The following UBAP2 variants were observed in gnomAD, a reference collection of about 807,000 sequenced individuals.
UBAP2 encodes ubiquitin-associated protein 2.
Under a neutral mutation model 139.6 loss-of-function variants are expected in UBAP2, and 75 were observed. That is an observed-to-expected ratio of 0.54 (90% CI 0.45 to 0.65). The LOEUF is 0.65. UBAP2 is among the 30% of genes least tolerant of loss of function. UBAP2 has a pLI of 0.00. For synonymous variants in UBAP2, 526 were observed against 526.2 expected, an observed-to-expected ratio of 1.00 and a Z score of 0.01; for missense variants, 1,368 against 1,369.6, an observed-to-expected ratio of 1.00 and a Z score of 0.02.
In UBAP2 at chr9:33,988,955, G is replaced by A. The variant is rs1413456543; in HGVS notation, c.442+18C>T. ...AGATGAAAGAAGAGAAAAAACTGAG[G>A]AGAAAGTCTGTACTTACATTCTCTG... On this transcript the variant is annotated intron_variant, in intron 5 of 28. Transcript: ENST00000379238. 11 of 1,594,468 alleles carry A rather than the reference G, an allele frequency of 6.9e-6. No individual in the cohort carries two copies. The highest frequency in any genetic ancestry group is 2.3e-5 in the South Asian group (2 of 87,310).
At chr9:33,961,561 T>C (rs1283481489) in intron 9 of UBAP2, among the ~76,000 whole-genome samples, 1 of 152,096 alleles carries the variant, frequency 6.6e-6, no homozygotes, top group Non-Finnish European at 1.5e-5. Flanking sequence ...ACAGATCTTA[T>C]ATAAGTAGAG....
intron 1 of UBAP2, among the ~76,000 whole-genome samples, chr9:34,047,739 G>C (rs571696346): frequency 6.6e-6 from 1 of 152,228 alleles, no homozygotes; most frequent in Non-Finnish European, 1.5e-5. Context: ...CAGATACTCA[G>C]GAGGCTGAGG....
intron 6 of UBAP2, among the ~76,000 whole-genome samples, chr9:33,984,327 T>C (rs951554878): frequency 6.6e-6 from 1 of 151,970 alleles, no homozygotes; most frequent in Non-Finnish European, 1.5e-5. Context: ...ATACAAGGAA[T>C]CTAAACAACT....
chr9:33,926,718 G>T, intron 21 of UBAP2, 54 bp from the exon 22 acceptor site: 1 of 1,590,670 alleles, frequency 6.3e-7, no homozygotes. Context: ...ACCCTGGGAA[G>T]CCCAGGTCCA....
intron 6 of UBAP2, among the ~76,000 whole-genome samples, chr9:33,976,462 C>T (rs1828353450): frequency 1.3e-5 from 2 of 152,148 alleles, no homozygotes; most frequent in African/African-American, 2.4e-5. Context: ...ATTCCATTTA[C>T]AGGAAATGTC....
At chr9:34,045,511 C>A (rs1265309154) in intron 1 of UBAP2, among the ~76,000 whole-genome samples, 1 of 151,970 alleles carries the variant, frequency 6.6e-6, no homozygotes, top group Non-Finnish European at 1.5e-5. Flanking sequence ...GCAGCTGGGA[C>A]TACAGGCACG....
chr9:34,008,092 G>A (rs1194189978), intron 2 of UBAP2, among the ~76,000 whole-genome samples: 2 of 151,494 alleles, frequency 1.3e-5, no homozygotes, highest in East Asian at 2.0e-4. Context: ...CCGAGATCGC[G>A]CCACTGCACT....
chr9:33,957,100 AAG>A (rs994367033), intron 10 of UBAP2, among the ~76,000 whole-genome samples: 1 of 151,940 alleles, frequency 6.6e-6, no homozygotes, highest in African/African-American at 2.4e-5. Flanking sequence ...AAAAAAAAAA[AAG>A]AAGAAGTCAT....
intron 1 of UBAP2, among the ~76,000 whole-genome samples, chr9:34,040,342 A>AG (rs1196794717): frequency 1.3e-5 from 2 of 150,958 alleles, no homozygotes; most frequent in Non-Finnish European, 3.0e-5. Flanking sequence ...AAAAAAAAAA[A>AG]AAAAAGGGAC....
intron 10 of UBAP2, among the ~76,000 whole-genome samples, chr9:33,959,162 A>AT (rs920640432): frequency 2.0e-5 from 3 of 152,058 alleles, no homozygotes; most frequent in African/African-American, 7.3e-5. Flanking sequence ...CAAAAAAAAA[A>AT]AAATTAAAGT....
chr9:33,943,944 T>C (rs1245079393), intron 14 of UBAP2, among the ~76,000 whole-genome samples: 1 of 151,544 alleles, frequency 6.6e-6, no homozygotes, highest in African/African-American at 2.4e-5. Context: ...ACAGGAATGG[T>C]TGGCATTAAT....
chr9:34,031,111 C>G (rs1825850012), intron 1 of UBAP2, among the ~76,000 whole-genome samples: 1 of 151,678 alleles, frequency 6.6e-6, no homozygotes, highest in South Asian at 2.1e-4. Context: ...AACCCTCTCT[C>G]TACTAAACAT....
intron 26 of UBAP2, 48 bp from the exon 27 acceptor site, chr9:33,923,081 G>A: frequency 6.2e-7 from 1 of 1,613,618 alleles, no homozygotes; most frequent in South Asian, 1.1e-5. Flanking sequence ...CCCAGCTCCA[G>A]GCTCCCCACC....
chr9:34,035,514 A>AAAAAAAAAAAAATTATAT, intron 1 of UBAP2, among the ~76,000 whole-genome samples: 5 of 22,474 alleles, frequency 2.2e-4, no homozygotes, highest in Admixed American at 6.9e-4. Flanking sequence ...AAAAAAAAAA[A>AAAAAAAAAAAAATTATAT]ATATATATAT....
Position 33,923,250 on chromosome 9 carries a change from G to C in UBAP2, c.2940C>G (p.Ser980=). 6.8e-6 allele frequency: 11 copies of C among 1,614,200 alleles called. No homozygotes were observed. Among genetic ancestry groups the C allele is most frequent in the Non-Finnish European group, 9.3e-6 (11 of 1,180,030 alleles). ...GCGATGATCCAGCATAGCCACCTTT[G>C]GAGTAGTCTCCTGCTGCTGTCCCCT... is the stretch of plus-strand genomic sequence containing the variant. ...LTQGTAAGDY[S]KGGYAGSSQA... is the part of the protein sequence containing the mutation. Residue 980 remains serine, a synonymous_variant, in exon 26 of 29, where the codon TCC becomes TCG. Coordinates refer to ENST00000379238, the MANE Select transcript of UBAP2 (RefSeq NM_001370062.2).
At position 33,922,591 on chromosome 9, in the gene UBAP2, C is replaced by A; in HGVS notation, c.3273G>T (p.Ser1091=). 6.2e-7 allele frequency: 1 copy of A among 1,611,432 alleles called. No individual in the cohort carries two copies. ...HHLPQDAQSG[S]GQRSQPSSLQ... is the part of the protein sequence containing the mutation. ...GGGAGCTGGGCTGGCTGCGCTGACC[C>A]GAGCCACTCTGAGGAAGAGGAGAAG... Residue 1091 remains serine (S), a synonymous_variant, in exon 29 of 29, where the codon TCG becomes TCT. Coordinates refer to ENST00000379238, the MANE Select transcript of UBAP2 (RefSeq NM_001370062.2).
intron 12 of UBAP2, among the ~76,000 whole-genome samples, chr9:33,949,294 G>C (rs552986320): frequency 6.6e-6 from 1 of 152,006 alleles, no homozygotes; most frequent in Non-Finnish European, 1.5e-5. Flanking sequence ...ACAAAGATAT[G>C]CTTGACCAAC....
chr9:33,980,377 C>A (rs569372432), intron 6 of UBAP2, among the ~76,000 whole-genome samples: 2 of 149,462 alleles, frequency 1.3e-5, no homozygotes, highest in South Asian at 4.3e-4. Flanking sequence ...GGACTACAGG[C>A]GCCCGCCACC....
At chr9:34,024,017 C>A (rs138694988) in intron 1 of UBAP2, among the ~76,000 whole-genome samples, 1 of 151,148 alleles carries the variant, frequency 6.6e-6, no homozygotes, top group East Asian at 1.9e-4. Context: ...GCACTCCAGT[C>A]CGGGTGACAG....
Sources: allele counts gnomAD v4.1 joint callset (sites outside exome capture counted in the v4.1 genomes callset), GRCh38; gene constraint gnomAD v4.1.1; transcripts MANE v1.5; gene names NCBI Gene and HGNC (gene_info 2026-07-23, HGNC 2026-07-21).